Variants in TENM2 observed in about 807,000 individuals in gnomAD.
TENM2 encodes teneurin transmembrane protein 2.
In TENM2, 52 loss-of-function variants were observed where a neutral mutation model predicts 245.2. The observed-to-expected ratio is 0.21, with a 90% CI of 0.17 to 0.27. The LOEUF is 0.27. Among genes scored for constraint, TENM2 ranks in the 10% least tolerant of loss-of-function variants. TENM2 has a pLI of 1.00. For synonymous variants in TENM2, 1,363 were observed against 1,438.9 expected (o/e 0.95, Z 1.19); for missense variants, 3,046 against 3,666.8 (o/e 0.83, Z 4.37).
At chr5:168,158,850 T>TATATATAC (rs1339051385) in intron 12 of TENM2, among the ~76,000 whole-genome samples, 165 of 62,280 alleles carry the variant, frequency 2.6e-3, no homozygotes, top group African/African-American at 9.1e-3. Flanking sequence ...TATATATATA[T>TATATATAC]ACACACACAC....
At chr5:167,188,536 A>AT in the TENM2 span, among the ~76,000 whole-genome samples, 2,534 of 152,122 alleles carry the variant, frequency 0.017, 131 homozygotes, top group Admixed American at 0.11. Flanking sequence ...GAAAGAGACC[A>AT]TTTTTTTCCC....
intron 10 of TENM2, 51 bp downstream of exon 12, chr5:168,118,537 G>A: frequency 1.4e-6 from 2 of 1,414,714 alleles, no homozygotes; most frequent in African/African-American, 1.4e-5. Context: ...GGCGTTTGCA[G>A]GGCCTGACCT....
chr5:167,568,343 A>G (rs1582409904), intron 2 of TENM2, among the ~76,000 whole-genome samples: 1 of 152,164 alleles, frequency 6.6e-6, no homozygotes, highest in African/African-American at 2.4e-5. Context: ...TTGGAGGTGT[A>G]TAGACCAGAT....
chr5:167,458,566 A>C (rs1165756768), intron 2 of TENM2, among the ~76,000 whole-genome samples: 2 of 152,060 alleles, frequency 1.3e-5, no homozygotes, highest in Non-Finnish European at 2.9e-5. Context: ...AAACAAGTGA[A>C]AAGGATTTTT....
At chr5:168,215,988 G>T (rs1763158379) in intron 21 of TENM2, among the ~76,000 whole-genome samples, 1 of 152,210 alleles carries the variant, frequency 6.6e-6, no homozygotes, top group Admixed American at 6.5e-5. Flanking sequence ...AATTTCCAGG[G>T]GTCCAGGATG....
chr5:167,120,450 A>C, the TENM2 span, among the ~76,000 whole-genome samples: 5 of 152,232 alleles, frequency 3.3e-5, no homozygotes, highest in African/African-American at 1.2e-4. Context: ...AAATCACAAA[A>C]GTGAAGCTTG....
intron 23 of TENM2, among the ~76,000 whole-genome samples, chr5:168,225,809 A>G (rs1764126868): frequency 6.6e-6 from 1 of 152,058 alleles, no homozygotes; most frequent in African/African-American, 2.4e-5. Context: ...AGAGAAGCTC[A>G]CAAGTGGCTG....
chr5:167,846,647 A>G (rs1770064528), intron 2 of TENM2, among the ~76,000 whole-genome samples: 1 of 152,182 alleles, frequency 6.6e-6, no homozygotes, highest in African/African-American at 2.4e-5. Context: ...AAATGCTAGA[A>G]TATTTTAGGT....
intron 2 of TENM2, among the ~76,000 whole-genome samples, chr5:167,490,261 T>TA (rs1331682693): frequency 5.9e-5 from 9 of 152,302 alleles, no homozygotes; most frequent in Admixed American, 2.0e-4. Context: ...TAAGTTTTTT[T>TA]AAATAAACTT....
the TENM2 span, among the ~76,000 whole-genome samples, chr5:167,269,099 T>C: frequency 1.3e-5 from 2 of 152,164 alleles, no homozygotes; most frequent in African/African-American, 2.4e-5. Context: ...ATTTATGTTG[T>C]ATTTTTTTGA....
chr5:167,981,776 C>T (rs1583561863), intron 4 of TENM2, among the ~76,000 whole-genome samples: 1 of 152,248 alleles, frequency 6.6e-6, no homozygotes, highest in East Asian at 1.9e-4. Flanking sequence ...GAGTTCAAGA[C>T]CAGCTTTGCC....
intron 2 of TENM2, among the ~76,000 whole-genome samples, chr5:167,405,716 A>C (rs1762592359): frequency 6.6e-6 from 1 of 151,164 alleles, no homozygotes; most frequent in Admixed American, 6.6e-5. Flanking sequence ...TTTAGGACAT[A>C]AGCCCCACAG....
Position 167,567,171 on chromosome 5 carries a change from A to C in TENM2, c.502+191698A>C, listed in dbSNP as rs183067112. The stretch of plus-strand genomic sequence containing the variant: ...GACCCAAATTATCTCATCTTTACAA[A>C]TAAGAAAGATACATTAAGGGCTTTT... On this transcript the variant is annotated intron_variant, in intron 2 of 28. Transcript: ENST00000518659. Among the ~76,000 whole-genome samples, 166 of 152,322 alleles carry C rather than the reference A, an allele frequency of 1.1e-3. 3 individuals are homozygous for C. The South Asian group carries it at 0.018, about 17-fold the overall frequency.
chr5:168,073,229 G>A (rs901164522), intron 7 of TENM2, among the ~76,000 whole-genome samples: 10 of 152,190 alleles, frequency 6.6e-5, no homozygotes, highest in Admixed American at 6.5e-4. Context: ...ACAAATATCA[G>A]CTATTGTTAT....
intron 2 of TENM2, among the ~76,000 whole-genome samples, chr5:167,792,307 G>A (rs1293552771): frequency 6.6e-6 from 1 of 152,140 alleles, no homozygotes; most frequent in South Asian, 2.1e-4. Flanking sequence ...CACAGGATCA[G>A]CCATTGCCTT....
the TENM2 span, among the ~76,000 whole-genome samples, chr5:167,015,272 G>A: frequency 1.1e-4 from 17 of 152,254 alleles, no homozygotes; most frequent in African/African-American, 3.1e-4. Flanking sequence ...TCTAAAATGC[G>A]ATGGAAGTAT....
At chr5:167,993,434 C>A (rs142629283) in intron 5 of TENM2, among the ~76,000 whole-genome samples, 1 of 152,338 alleles carries the variant, frequency 6.6e-6, no homozygotes, top group African/African-American at 2.4e-5. Flanking sequence ...TATATCCTTT[C>A]TTGGAGATGA....
intron 2 of TENM2, among the ~76,000 whole-genome samples, chr5:167,698,218 T>C (rs1757897584): frequency 6.6e-6 from 1 of 152,234 alleles, no homozygotes; most frequent in Admixed American, 6.5e-5. Flanking sequence ...TGTTTTTACC[T>C]TCGTAACTAC....
chr5:167,863,142 G>T (rs368750650), intron 2 of TENM2, among the ~76,000 whole-genome samples: 17 of 152,316 alleles, frequency 1.1e-4, no homozygotes, highest in Middle Eastern at 3.4e-3. Flanking sequence ...AAAATAGGGA[G>T]AATAATAGTA....
Sources: gnomAD v4.1 joint callset for allele counts (sites outside exome capture counted in the v4.1 genomes callset) on GRCh38, gnomAD v4.1.1 for gene constraint, MANE v1.5 for transcripts, NCBI Gene and HGNC (gene_info 2026-07-23, HGNC 2026-07-21) for gene names.